ADAMTSL1: variants seen among roughly 807,000 people sequenced by gnomAD.
The protein encoded by ADAMTSL1 is ADAMTS like 1, also known as ADAMTS-like protein 1.
In ADAMTSL1, 126 loss-of-function variants were observed where a neutral mutation model predicts 201.8. The observed-to-expected ratio is 0.62, with a 90% confidence interval of 0.54 to 0.72. The LOEUF is 0.72. ADAMTSL1 is among the 30% of genes least tolerant of loss of function. The pLI, the probability that ADAMTSL1 is intolerant of heterozygous loss-of-function variation, is 0.00. For synonymous variants in ADAMTSL1, 1,121 were observed against 903.4 expected, an observed-to-expected ratio of 1.24 and a Z score of -4.32; for missense variants, 2,679 against 2,277.8, an observed-to-expected ratio of 1.18 and a Z score of -3.59.
Position 18,099,659 on chromosome 9 carries a change from A to G in ADAMTSL1, c.88-64203A>G, listed in dbSNP as rs1375044528. Among the ~76,000 whole-genome samples the G allele has an allele frequency of 2.6e-5, 3 of 117,256 alleles. No homozygotes were observed. The South Asian group carries it at 7.9e-4, about 31-fold the overall frequency. The allele number at this position is 117,256 out of a possible 152,430, so 76.9% of individuals were successfully genotyped here. A position where few individuals can be genotyped will look rare whatever the true frequency, so the allele number is the denominator to read the frequency against. On this transcript the variant is annotated intron_variant, in intron 1 of 29. Coordinates refer to the ADAMTSL1 transcript ENST00000680146. ...CCCTTTTTTTTTTTTTTTTCTTGAG[A>G]TGGAGTCTCGCTCTGTTGCCCAGAC...
intron 2 of ADAMTSL1, among the ~76,000 whole-genome samples, chr9:18,461,988 G>A (rs1489689907): frequency 6.6e-6 from 1 of 151,830 alleles, no homozygotes; most frequent in Non-Finnish European, 1.5e-5. Context: ...TTCTATATGT[G>A]AGTTTTACAT....
intron 2 of ADAMTSL1, among the ~76,000 whole-genome samples, chr9:18,405,357 G>A (rs568109264): frequency 6.6e-6 from 1 of 152,166 alleles, no homozygotes; most frequent in African/African-American, 2.4e-5. Flanking sequence ...CAGACCATGA[G>A]GTTGGTGAGA....
chr9:18,094,660 A>T (rs1824165548), intron 1 of ADAMTSL1, among the ~76,000 whole-genome samples: 1 of 151,748 alleles, frequency 6.6e-6, no homozygotes, highest in South Asian at 2.1e-4. Context: ...TCCTGGGTTC[A>T]AGTGATTCTC....
intron 2 of ADAMTSL1, among the ~76,000 whole-genome samples, chr9:18,448,277 C>G (rs1201193927): frequency 6.6e-6 from 1 of 152,108 alleles, no homozygotes; most frequent in African/African-American, 2.4e-5. Flanking sequence ...CTGCTGCCAG[C>G]CAGCCAGTGT....
chr9:18,002,961 A>C (rs1418966107), intron 1 of ADAMTSL1, among the ~76,000 whole-genome samples: 1 of 152,050 alleles, frequency 6.6e-6, no homozygotes, highest in Non-Finnish European at 1.5e-5. Flanking sequence ...TTTGACCTTT[A>C]GCATCTGTTT....
intron 2 of ADAMTSL1, among the ~76,000 whole-genome samples, chr9:18,408,326 G>C (rs1160000419): frequency 6.6e-6 from 1 of 151,930 alleles, no homozygotes; most frequent in South Asian, 2.1e-4. Context: ...TAAAAATTAG[G>C]TAGGCATGGT....
intron 2 of ADAMTSL1, among the ~76,000 whole-genome samples, chr9:18,361,876 T>G (rs1836536840): frequency 1.3e-5 from 2 of 152,158 alleles, no homozygotes; most frequent in Non-Finnish European, 2.9e-5. Context: ...CACGCACAAT[T>G]ATGTGCAATT....
intron 1 of ADAMTSL1, among the ~76,000 whole-genome samples, chr9:17,981,174 C>A (rs1346551194): frequency 6.6e-6 from 1 of 152,148 alleles, no homozygotes; most frequent in Non-Finnish European, 1.5e-5. Flanking sequence ...GGGAAGGTGG[C>A]CCTCTGAAAA....
rs556309974 is a variant in ADAMTSL1, at chr9:18,175,718, C to G, written c.207+11737C>G. Reference sequence around the variant, plus strand: ...TCCAAGTCCTACCTGCTCCAGGAAGCCAGCTCTCATTCTGGTCCTCAGGGT... The same window carrying G: ...TCCAAGTCCTACCTGCTCCAGGAAGGCAGCTCTCATTCTGGTCCTCAGGGT... On this transcript the variant is annotated intron_variant, in intron 2 of 29. Transcript: ENST00000680146. Among the ~76,000 whole-genome samples, 8 of 152,214 alleles carry G rather than the reference C, an allele frequency of 5.3e-5. 1 individual carries two copies. In the South Asian group the frequency reaches 1.7e-3, roughly 32 times the overall value.
chr9:18,339,288 G>A (rs561610264), intron 2 of ADAMTSL1, among the ~76,000 whole-genome samples: 2 of 152,212 alleles, frequency 1.3e-5, no homozygotes, highest in African/African-American at 4.8e-5. Flanking sequence ...TAAAAAGTAG[G>A]CAAAGGACAT....
intron 20 of ADAMTSL1, among the ~76,000 whole-genome samples, chr9:18,797,406 C>T (rs1822491131): frequency 6.6e-6 from 1 of 152,252 alleles, no homozygotes; most frequent in African/African-American, 2.4e-5. Context: ...GTTGTGAGCA[C>T]ACCCTCTGCC....
At chr9:18,217,719 G>T (rs986057728) in intron 2 of ADAMTSL1, among the ~76,000 whole-genome samples, 1 of 152,154 alleles carries the variant, frequency 6.6e-6, no homozygotes, top group Admixed American at 6.5e-5. Context: ...TGACTCATTG[G>T]TCATTGTGCT....
At chr9:18,431,606 A>G (rs530684293) in intron 2 of ADAMTSL1, among the ~76,000 whole-genome samples, 1 of 152,164 alleles carries the variant, frequency 6.6e-6, no homozygotes, top group African/African-American at 2.4e-5. Flanking sequence ...TCTTTGCTAC[A>G]TTCTTTGGCA....
chr9:18,437,398 T>C (rs1184559108), intron 2 of ADAMTSL1, among the ~76,000 whole-genome samples: 2 of 152,116 alleles, frequency 1.3e-5, no homozygotes, highest in Non-Finnish European at 2.9e-5. Flanking sequence ...TCCAGTTTCT[T>C]CCAATGAGAC....
intron 20 of ADAMTSL1, among the ~76,000 whole-genome samples, chr9:18,811,532 C>G (rs184119330): frequency 6.6e-6 from 1 of 152,196 alleles, no homozygotes; most frequent in Admixed American, 6.5e-5. Flanking sequence ...ACAAAAGAGG[C>G]CAAGTGGAGA....
intron 2 of ADAMTSL1, among the ~76,000 whole-genome samples, chr9:18,446,706 T>C (rs948215571): frequency 2.3e-4 from 35 of 152,360 alleles, no homozygotes; most frequent in African/African-American, 7.9e-4. Flanking sequence ...ACAGATAAAA[T>C]GCATCTGGGT....
intron 9 of ADAMTSL1, among the ~76,000 whole-genome samples, chr9:18,667,678 A>G (rs1248868604): frequency 6.6e-6 from 1 of 152,196 alleles, no homozygotes; most frequent in African/African-American, 2.4e-5. Flanking sequence ...CAGCAGCTAT[A>G]TAATGACTAA....
chr9:18,235,717 C>T (rs1830822329), intron 2 of ADAMTSL1, among the ~76,000 whole-genome samples: 1 of 152,282 alleles, frequency 6.6e-6, no homozygotes, highest in African/African-American at 2.4e-5. Context: ...TGACTCCAGG[C>T]TCCATGATCT....
chr9:18,034,749 C>A (rs1485871720), intron 1 of ADAMTSL1, among the ~76,000 whole-genome samples: 1 of 152,088 alleles, frequency 6.6e-6, no homozygotes, highest in Admixed American at 6.5e-5. Flanking sequence ...CTACTGCTAC[C>A]AAGATTGTAT....
Sources: allele counts gnomAD v4.1 joint callset (sites outside exome capture counted in the v4.1 genomes callset), GRCh38; gene constraint gnomAD v4.1.1; transcripts MANE v1.5; gene names NCBI Gene and HGNC (gene_info 2026-07-23, HGNC 2026-07-21).